Variants in MRTFA observed in about 807,000 individuals in gnomAD.
MRTFA encodes the protein myocardin-related transcription factor A.
Under a neutral mutation model 83.5 loss-of-function variants are expected in MRTFA, and 20 were observed. The ratio of observed to expected loss-of-function variants is 0.24; its 90% confidence interval spans 0.17 to 0.35. The LOEUF is 0.35. Among genes scored for constraint, MRTFA ranks in the 10% least tolerant of loss-of-function variants. The pLI is 1.00. For missense variants in MRTFA, 1,200 were observed against 1,224.7 expected (o/e 0.98, Z 0.30); for synonymous variants, 659 against 541.2 (o/e 1.22, Z -3.02).
chr22:40,598,919 A>G (rs1006922317), intron 1 of MRTFA, among the ~76,000 whole-genome samples: 1 of 148,968 alleles, frequency 6.7e-6, no homozygotes, highest in Non-Finnish European at 1.5e-5. Flanking sequence ...TGAACCCGGG[A>G]GGCAGAGGCT....
At position 40,621,607 on chromosome 22, in the gene MRTFA, G is replaced by A. The variant is rs1434573024; in HGVS notation, c.-84+14871C>T. Among the ~76,000 whole-genome samples, 8 of 152,240 alleles carry A rather than the reference G, an allele frequency of 5.3e-5. No homozygotes were observed. The East Asian group carries it at 5.8e-4, about 11-fold the overall frequency. On this transcript the variant is annotated intron_variant, in intron 1 of 14. Transcript: ENST00000355630. The stretch of plus-strand genomic sequence containing the variant: ...GGACAGTACACTTAAAAATGGTTAC[G>A]ATGGTAAATTTTAACACAATTTTTA...
intron 4 of MRTFA, among the ~76,000 whole-genome samples, chr22:40,452,694 C>T (rs1293992292): frequency 6.6e-6 from 1 of 151,386 alleles, no homozygotes; most frequent in African/African-American, 2.4e-5. Context: ...GCCTGTAATC[C>T]CAGCTACCTA....
At chr22:40,545,724 C>G (rs560955310) in intron 3 of MRTFA, among the ~76,000 whole-genome samples, 1 of 131,812 alleles carries the variant, frequency 7.6e-6, no homozygotes, top group Non-Finnish European at 1.6e-5. Flanking sequence ...TGAGCCACCA[C>G]GCCCGGCCAT....
At chr22:40,621,263 A>T (rs144081352) in intron 1 of MRTFA, among the ~76,000 whole-genome samples, 1 of 152,272 alleles carries the variant, frequency 6.6e-6, no homozygotes, top group East Asian at 1.9e-4. Flanking sequence ...GCTAATAAAA[A>T]TACTCTTTAC....
chr22:40,538,329 C>T (rs2055224839), intron 3 of MRTFA, among the ~76,000 whole-genome samples: 1 of 139,802 alleles, frequency 7.2e-6, no homozygotes, highest in Non-Finnish European at 1.6e-5. Flanking sequence ...GGATTAAGGG[C>T]GGTGCAAGAT....
chr22:40,462,450 T>C (rs978226389), intron 4 of MRTFA, among the ~76,000 whole-genome samples: 28 of 152,222 alleles, frequency 1.8e-4, no homozygotes, highest in African/African-American at 6.3e-4. Flanking sequence ...AGTTGTATGA[T>C]TGTTTTTTGA....
intron 3 of MRTFA, chr22:40,519,411 G>C (rs1441623089): frequency 1.5e-6 from 2 of 1,326,596 alleles, no homozygotes; most frequent in Non-Finnish European, 2.0e-6. Flanking sequence ...CTCACTTCTT[G>C]GAAAGAGATC....
At chr22:40,531,800 T>C (rs2055086754) in intron 3 of MRTFA, among the ~76,000 whole-genome samples, 1 of 152,210 alleles carries the variant, frequency 6.6e-6, no homozygotes, top group African/African-American at 2.4e-5. Flanking sequence ...CATATTACTG[T>C]TACAATCCAG....
At chr22:40,477,219 G>A (rs1014367403) in intron 3 of MRTFA, among the ~76,000 whole-genome samples, 19 of 150,762 alleles carry the variant, frequency 1.3e-4, no homozygotes, top group African/African-American at 3.9e-4. Flanking sequence ...GCATGGTGGC[G>A]GGCACTTGTA....
At chr22:40,602,449 G>A (rs1425689603) in intron 1 of MRTFA, among the ~76,000 whole-genome samples, 1 of 152,132 alleles carries the variant, frequency 6.6e-6, no homozygotes, top group African/African-American at 2.4e-5. Flanking sequence ...ATTACAAACA[G>A]AAGAATCGTG....
chr22:40,508,705 T>C (rs1362806619), intron 3 of MRTFA, among the ~76,000 whole-genome samples: 1 of 116,868 alleles, frequency 8.6e-6, no homozygotes, highest in Non-Finnish European at 1.8e-5. Flanking sequence ...TGAGGGTACT[T>C]TTTTTTTTGC....
intron 3 of MRTFA, among the ~76,000 whole-genome samples, chr22:40,501,810 C>G (rs1602346199): frequency 1.6e-5 from 1 of 64,000 alleles, no homozygotes; most frequent in Non-Finnish European, 3.0e-5. Context: ...GGAGGGCTGA[C>G]CCCCCCACCT....
At chr22:40,630,067 C>CT (rs2056625796) in intron 1 of MRTFA, among the ~76,000 whole-genome samples, 1 of 151,954 alleles carries the variant, frequency 6.6e-6, no homozygotes, top group South Asian at 2.1e-4. Context: ...CATCCTAGCG[C>CT]TTTGGGAGGC....
intron 3 of MRTFA, among the ~76,000 whole-genome samples, chr22:40,550,971 C>A: frequency 6.6e-6 from 1 of 151,664 alleles, no homozygotes; most frequent in East Asian, 1.9e-4. Flanking sequence ...CCTGCCTCAG[C>A]CTCCCTAGTA....
intron 5 of MRTFA, among the ~76,000 whole-genome samples, chr22:40,432,260 A>AAAAAACC (rs2053083062): frequency 6.6e-6 from 1 of 152,142 alleles, no homozygotes; most frequent in Non-Finnish European, 1.5e-5. Flanking sequence ...AAACAAACAA[A>AAAAAACC]AAAAACCAAA....
intron 2 of MRTFA, among the ~76,000 whole-genome samples, chr22:40,570,068 A>G (rs1191471337): frequency 6.6e-6 from 1 of 152,102 alleles, no homozygotes; most frequent in African/African-American, 2.4e-5. Flanking sequence ...AAAGAACCTC[A>G]CTTAGATCAT....
At chr22:40,608,156 T>C (rs1602490013) in intron 1 of MRTFA, among the ~76,000 whole-genome samples, 1 of 152,058 alleles carries the variant, frequency 6.6e-6, no homozygotes, top group South Asian at 2.1e-4. Flanking sequence ...TCCCGAGTAG[T>C]TGGGACTACA....
At chr22:40,462,581 C>T (rs996226567) in intron 4 of MRTFA, among the ~76,000 whole-genome samples, 7 of 152,174 alleles carry the variant, frequency 4.6e-5, no homozygotes, top group Non-Finnish European at 1.0e-4. Context: ...GTTTCAGCTC[C>T]GTTTATAATG....
chr22:40,607,568 CTTAAGGA>C (rs2056333259), intron 1 of MRTFA, among the ~76,000 whole-genome samples: 1 of 152,004 alleles, frequency 6.6e-6, no homozygotes, highest in East Asian at 1.9e-4. Context: ...GAAATCTTCT[CTTAAGGA>C]TTATTTTATT....
Sources: gnomAD v4.1 joint callset for allele counts (sites outside exome capture counted in the v4.1 genomes callset) on GRCh38, gnomAD v4.1.1 for gene constraint, MANE v1.5 for transcripts, NCBI Gene and HGNC (gene_info 2026-07-23, HGNC 2026-07-21) for gene names.